The following GABBR2 variants were observed in gnomAD, a reference collection of about 807,000 sequenced individuals.
The protein encoded by GABBR2 is G-protein coupled receptor 51.
Under a neutral mutation model 105.6 loss-of-function variants are expected in GABBR2, and 23 were observed. The ratio of observed to expected loss-of-function variants is 0.22; its 90% CI spans 0.16 to 0.31. GABBR2 has a LOEUF of 0.31. Ranked by LOEUF, GABBR2 falls within the 10% of genes least tolerant of loss-of-function variation. The probability of loss-of-function intolerance (pLI) is 1.00; values close to 1 mark genes in which losing one functional copy is unlikely to be tolerated. For synonymous variants in GABBR2, 478 were observed against 499.7 expected (o/e 0.96, Z 0.58); for missense variants, 734 against 1,245.5 (o/e 0.59, Z 6.18).
At chr9:98,301,198 A>G (rs972508363) in intron 16 of GABBR2, among the ~76,000 whole-genome samples, 4 of 152,170 alleles carry the variant, frequency 2.6e-5, no homozygotes, top group Admixed American at 6.5e-5. Flanking sequence ...GAAGTTCCAG[A>G]GGCCTGACTT....
chr9:98,318,917 G>A, intron 13 of GABBR2, among the ~76,000 whole-genome samples: 1 of 142,782 alleles, frequency 7.0e-6, no homozygotes, highest in Admixed American at 6.9e-5. Context: ...GTGTGTGTTG[G>A]GGGTGTGTGT....
At chr9:98,701,312 G>T (rs959841178) in intron 1 of GABBR2, among the ~76,000 whole-genome samples, 5 of 152,166 alleles carry the variant, frequency 3.3e-5, no homozygotes, top group Non-Finnish European at 7.4e-5. Context: ...AAAGGAATTT[G>T]GGGACAGAGA....
Position 98,346,049 on chromosome 9 carries a change from C to T in GABBR2, c.1893+16666G>A, listed in dbSNP as rs538464572. 8.5e-5 allele frequency among the ~76,000 whole-genome samples: 13 copies of T among 152,282 alleles called. No individual in the cohort carries two copies. The South Asian group carries it at 2.1e-3, about 24-fold the overall frequency. ...AGCCTTCAGTGAGTGGTAATCTTTT[C>T]GTTAGCGGAGGGTTTTACCTCCTTA... On this transcript the variant is annotated intron_variant, in intron 13 of 18. Transcript: ENST00000259455.
chr9:98,383,409 C>T (rs1832014837), intron 11 of GABBR2, among the ~76,000 whole-genome samples: 1 of 152,176 alleles, frequency 6.6e-6, no homozygotes. Flanking sequence ...GGGAATTAGT[C>T]TCATGCCAGA....
chr9:98,602,829 C>T (rs1276263369), intron 1 of GABBR2, among the ~76,000 whole-genome samples: 1 of 152,216 alleles, frequency 6.6e-6, no homozygotes, highest in African/African-American at 2.4e-5. Flanking sequence ...CAAACATTCA[C>T]TGGATTCCAC....
intron 1 of GABBR2, among the ~76,000 whole-genome samples, chr9:98,693,444 C>T (rs1830710216): frequency 6.6e-6 from 1 of 152,204 alleles, no homozygotes; most frequent in African/African-American, 2.4e-5. Context: ...ATGCTCTGGC[C>T]CCCACTCAAA....
At chr9:98,684,051 A>C (rs942955852) in intron 1 of GABBR2, among the ~76,000 whole-genome samples, 4 of 148,404 alleles carry the variant, frequency 2.7e-5, no homozygotes, top group African/African-American at 4.9e-5. Context: ...TAAATAAATT[A>C]TGGCCTAGTG....
At chr9:98,390,625 C>T (rs1832163419) in intron 9 of GABBR2, among the ~76,000 whole-genome samples, 3 of 151,812 alleles carry the variant, frequency 2.0e-5, no homozygotes, top group Admixed American at 2.0e-4. Flanking sequence ...TTCTTGCTTC[C>T]AGATGGTGAA....
At chr9:98,634,924 G>T (rs556768749) in intron 1 of GABBR2, among the ~76,000 whole-genome samples, 1 of 152,020 alleles carries the variant, frequency 6.6e-6, no homozygotes, top group Non-Finnish European at 1.5e-5. Flanking sequence ...TTCTGTTTCC[G>T]GCAACTCCCA....
intron 3 of GABBR2, among the ~76,000 whole-genome samples, chr9:98,527,429 C>T (rs1356671817): frequency 5.9e-5 from 9 of 152,022 alleles, no homozygotes; most frequent in African/African-American, 1.9e-4. Flanking sequence ...TTTATTCTTG[C>T]TCCAGATGTT....
chr9:98,401,547 T>C (rs1378692438), intron 8 of GABBR2, among the ~76,000 whole-genome samples: 3 of 152,154 alleles, frequency 2.0e-5, no homozygotes, highest in Non-Finnish European at 4.4e-5. Context: ...TGTCCCCTGG[T>C]TCCTGCTTGT....
rs143371263 is a variant in GABBR2 at position 98,306,884 on chromosome 9, G to T, written c.2005-539C>A. 4.9e-4 allele frequency among the ~76,000 whole-genome samples: 75 copies of T among 152,316 alleles called. 1 individual carries two copies. Among genetic ancestry groups the T allele is most frequent in the African/African-American group, 1.8e-3 (75 of 41,564 alleles). ...TTTTCAGCTGCCCTAGAGGCTAGGC[G>T]TGGCATATTGCTAGCTTCTGGACAA... is the stretch of plus-strand genomic sequence containing the variant. On this transcript the variant is annotated intron_variant, in intron 14 of 18. Coordinates refer to ENST00000259455, the MANE Select transcript of GABBR2 (RefSeq NM_005458.8). The surrounding 1 kb of genome is among the most constrained non-coding windows in gnomAD (Gnocchi z 5.4).
At chr9:98,548,692 T>A (rs543372943) in intron 2 of GABBR2, among the ~76,000 whole-genome samples, 1 of 120,318 alleles carries the variant, frequency 8.3e-6, no homozygotes, top group African/African-American at 2.7e-5. Flanking sequence ...ATATGAGTCC[T>A]GAGTCTAACT....
intron 8 of GABBR2, among the ~76,000 whole-genome samples, chr9:98,405,206 GGTTCATGATGCT>G (rs1832468970): frequency 1.3e-5 from 2 of 152,106 alleles, no homozygotes; most frequent in African/African-American, 4.8e-5. Context: ...GGCACATGGG[GGTTCATGATGCT>G]GTTCTCTCTA....
chr9:98,470,578 C>A (rs925881285), intron 6 of GABBR2, among the ~76,000 whole-genome samples: 1 of 151,982 alleles, frequency 6.6e-6, no homozygotes, highest in South Asian at 2.1e-4. Context: ...TGGGTGGGGA[C>A]GCAGAGCTAA....
chr9:98,496,328 T>C, intron 4 of GABBR2, 85 bp downstream of exon 4: 1 of 862,884 alleles, frequency 1.2e-6, no homozygotes, highest in Middle Eastern at 2.3e-4. Flanking sequence ...CAGACCAAAC[T>C]TGAGGCTCTT....
At chr9:98,544,987 A>G (rs1828373251) in intron 2 of GABBR2, among the ~76,000 whole-genome samples, 1 of 152,228 alleles carries the variant, frequency 6.6e-6, no homozygotes, top group Non-Finnish European at 1.5e-5. Context: ...GAGCTATTAG[A>G]AAAACCTGGG....
intron 12 of GABBR2, among the ~76,000 whole-genome samples, chr9:98,368,832 A>C (rs548479835): frequency 6.6e-6 from 1 of 152,208 alleles, no homozygotes; most frequent in Admixed American, 6.5e-5. Context: ...GTGGCTCTCC[A>C]GCCTTGGCTT....
At chr9:98,571,027 T>C (rs1360793288) in intron 2 of GABBR2, among the ~76,000 whole-genome samples, 1 of 152,000 alleles carries the variant, frequency 6.6e-6, no homozygotes, top group Non-Finnish European at 1.5e-5. Context: ...GCAGGGTGAA[T>C]GAGACACAAT....
Sources: gnomAD v4.1 joint callset for allele counts (sites outside exome capture counted in the v4.1 genomes callset) on GRCh38, gnomAD v4.1.1 for gene constraint, Gnocchi (gnomAD v3.1) non-coding constraint, MANE v1.5 for transcripts, NCBI Gene and HGNC (gene_info 2026-07-23, HGNC 2026-07-21) for gene names.